MFAP3L: variants seen among roughly 807,000 people sequenced by gnomAD.
The protein encoded by MFAP3L is microfibrillar-associated protein 3-like.
Under a neutral mutation model 20.0 loss-of-function variants are expected in MFAP3L, and 5 were observed. The observed-to-expected ratio is 0.25, with a 90% CI of 0.13 to 0.53. The LOEUF (loss-of-function observed/expected upper bound fraction) is 0.53. Among genes scored for constraint, MFAP3L ranks in the 20% least tolerant of loss-of-function variants. MFAP3L has a pLI of 0.96. For missense variants in MFAP3L, 409 were observed against 527.5 expected (o/e 0.78, Z 2.20); for synonymous variants, 219 against 213.0 (o/e 1.03, Z -0.25).
chr4:170,010,050 C>A (rs972862669), intron 1 of MFAP3L, among the ~76,000 whole-genome samples: 2 of 152,160 alleles, frequency 1.3e-5, no homozygotes, highest in African/African-American at 4.8e-5. Flanking sequence ...AAGCTACCTT[C>A]TGGATGAAAA....
chr4:169,991,785 G>A lies in MFAP3L; in HGVS notation c.823C>T (p.Pro275Ser), dbSNP rs1464054654. 1.1e-5 allele frequency: 17 copies of A among 1,613,976 alleles called. No homozygotes were observed. Among genetic ancestry groups the A allele is most frequent in the Non-Finnish European group, 1.4e-5 (16 of 1,180,030 alleles). ...EQGQNFVRHT[P>S]EGQEAADRDE... Reference sequence around the variant, plus strand: ...CTGTCTGCGGCCTCCTGGCCCTCTGGAGTATGCCTCACAAAATTCTGCCCC... The same window carrying A: ...CTGTCTGCGGCCTCCTGGCCCTCTGAAGTATGCCTCACAAAATTCTGCCCC... Residue 275 changes from proline (P) to serine (S), a missense_variant, in exon 3 of 3, where the codon CCA becomes TCA. Physicochemically the swap from Pro to Ser is moderately conservative, Grantham distance 74. Around this residue, in one of 3 missense-constraint regions of MFAP3L, gnomAD observed 169 missense variants for 178.2 expected, o/e 0.95. Transcript: ENST00000361618. The surrounding 1 kb of genome is among the most constrained non-coding windows in gnomAD (Gnocchi z 4.9).
At chr4:170,006,224 T>G (rs2111005369) in intron 1 of MFAP3L, among the ~76,000 whole-genome samples, 1 of 152,050 alleles carries the variant, frequency 6.6e-6, no homozygotes, top group Admixed American at 6.5e-5. Context: ...GTGATTCTCC[T>G]GCCTCAGCCT....
intron 2 of MFAP3L, among the ~76,000 whole-genome samples, chr4:170,000,483 T>A (rs1259821355): frequency 6.6e-6 from 1 of 152,164 alleles, no homozygotes; most frequent in African/African-American, 2.4e-5. Flanking sequence ...TGCCACTTAC[T>A]GAGAGCTTGC....
rs973625650 is a variant in MFAP3L at position 169,987,903 on chromosome 4, A to T, written c.*3475T>A. 2.0e-5 allele frequency: 3 copies of T among 152,198 alleles called. No homozygotes were observed. Among genetic ancestry groups the T allele is most frequent in the African/African-American group, 7.2e-5 (3 of 41,452 alleles). The allele number at this position is 152,198 out of a possible 1,614,324, so 9.4% of individuals were successfully genotyped here. ...CCCTTCAAAACAAAGTTTCGACAAC[A>T]TAGACTGGTGCAATTAAAAATGAAA... is the stretch of plus-strand genomic sequence containing the variant. On this transcript the variant is annotated 3_prime_UTR_variant, in exon 3 of 3. Coordinates refer to ENST00000361618, the MANE Select transcript of MFAP3L (RefSeq NM_021647.8).
At chr4:170,010,631 T>C (rs1739315838) in intron 1 of MFAP3L, among the ~76,000 whole-genome samples, 1 of 152,228 alleles carries the variant, frequency 6.6e-6, no homozygotes, top group Non-Finnish European at 1.5e-5. Context: ...ATTTTCTTAA[T>C]AACAGTCTTT....
intron 2 of MFAP3L, among the ~76,000 whole-genome samples, chr4:169,999,789 C>A (rs963554894): frequency 1.3e-5 from 2 of 152,136 alleles, no homozygotes; most frequent in Non-Finnish European, 2.9e-5. Context: ...AATTAAACTG[C>A]TTCTATGGGA....
At chr4:170,009,999 C>T (rs1200859763) in intron 1 of MFAP3L, among the ~76,000 whole-genome samples, 1 of 148,232 alleles carries the variant, frequency 6.7e-6, no homozygotes, top group Non-Finnish European at 1.5e-5. Context: ...CTGAGAGTTA[C>T]CCCTATTTTA....
chr4:169,996,981 C>T (rs1231781654), intron 2 of MFAP3L, among the ~76,000 whole-genome samples: 1 of 152,074 alleles, frequency 6.6e-6, no homozygotes. Flanking sequence ...CCAATAAAGC[C>T]TTGTGTGAAC....
intron 2 of MFAP3L, among the ~76,000 whole-genome samples, chr4:170,002,748 T>G (rs1190963273): frequency 1.3e-5 from 2 of 151,942 alleles, no homozygotes; most frequent in African/African-American, 4.8e-5. Context: ...GACCTCATGA[T>G]CCACCCACCT....
chr4:170,022,828 C>T (rs1740120008), intron 1 of MFAP3L, among the ~76,000 whole-genome samples: 2 of 152,260 alleles, frequency 1.3e-5, no homozygotes, highest in African/African-American at 2.4e-5. Flanking sequence ...ACAGATTCTC[C>T]CCTAGGGCTT....
In MFAP3L at chr4:170,026,391, C is replaced by A; in HGVS notation, c.-291G>T. On this transcript the variant is annotated 5_prime_UTR_variant, in exon 1 of 3. Coordinates refer to ENST00000361618, the MANE Select transcript of MFAP3L (RefSeq NM_021647.8). Reference sequence around the variant, plus strand: ...CTCACAGCGTTGCGAGCTGCGCCGCCGGCTGCCGGGAGCGCGGAGCTTCCC... The same window carrying A: ...CTCACAGCGTTGCGAGCTGCGCCGCAGGCTGCCGGGAGCGCGGAGCTTCCC... The A allele has an allele frequency of 2.9e-6, 2 of 685,200 alleles. No homozygotes were observed. The highest frequency in any genetic ancestry group is 3.6e-6 in the Non-Finnish European group (2 of 556,808). 42.4% of individuals were successfully genotyped at this position (685,200 alleles called of 1,614,324 possible). A position where few individuals can be genotyped will look rare whatever the true frequency, so the allele number is the denominator to read the frequency against.
At chr4:170,024,226 TGTAA>T (rs1368831904) in intron 1 of MFAP3L, among the ~76,000 whole-genome samples, 3 of 152,222 alleles carry the variant, frequency 2.0e-5, no homozygotes, top group Admixed American at 6.5e-5. Context: ...AAGGGCAGTA[TGTAA>T]GTAAGTCTTT....
chr4:170,005,525 T>C, intron 2 of MFAP3L, 55 bp downstream of exon 2: 3 of 1,561,280 alleles, frequency 1.9e-6, no homozygotes, highest in Non-Finnish European at 2.6e-6. Flanking sequence ...GGGTGCTGGC[T>C]CCAAAGCTCC....
At position 169,987,750 on chromosome 4, in the gene MFAP3L, T is replaced by G. The variant is rs1188592910; in HGVS notation, c.*3628A>C. On this transcript the variant is annotated 3_prime_UTR_variant, in exon 3 of 3. Coordinates refer to ENST00000361618, the MANE Select transcript of MFAP3L (RefSeq NM_021647.8). ...GCTAAAGAGCTGAGCAGATCCTAGA[T>G]CACCAATAAATAAAGATCCAAGCAT... The G allele has an allele frequency of 5.9e-5, 9 of 152,152 alleles. No individual in the cohort carries two copies. The highest frequency in any genetic ancestry group is 5.9e-4 in the Admixed American group (9 of 15,280). The allele number at this position is 152,152 out of a possible 1,614,324, so 9.4% of individuals were successfully genotyped here. A position where few individuals can be genotyped will look rare whatever the true frequency, so the allele number is the denominator to read the frequency against.
chr4:170,015,231 G>A (rs1739623756), intron 1 of MFAP3L, among the ~76,000 whole-genome samples: 1 of 152,172 alleles, frequency 6.6e-6, no homozygotes, highest in African/African-American at 2.4e-5. Flanking sequence ...TTATTTACTA[G>A]GAGATGACGC....
chr4:170,002,010 TCACAAA>T (rs1236296267), intron 2 of MFAP3L: 1 of 985,330 alleles, frequency 1.0e-6, no homozygotes, highest in East Asian at 1.1e-4. Context: ...TCCAGGCTAA[TCACAAA>T]GTGAATGGCA....
intron 1 of MFAP3L, among the ~76,000 whole-genome samples, chr4:170,015,534 T>C (rs551923466): frequency 6.6e-6 from 1 of 152,324 alleles, no homozygotes; most frequent in Non-Finnish European, 1.5e-5. Context: ...TTGTTCTCCA[T>C]AGGCAAGACA....
At chr4:170,007,839 A>C (rs1261285981) in intron 1 of MFAP3L, among the ~76,000 whole-genome samples, 1 of 152,180 alleles carries the variant, frequency 6.6e-6, no homozygotes, top group Non-Finnish European at 1.5e-5. Flanking sequence ...TGCCTGGCTA[A>C]ATACCACAGG....
In MFAP3L at chr4:169,989,989, T is replaced by A. The variant is rs1291976856; in HGVS notation, c.*1389A>T. The A allele has an allele frequency of 6.6e-6, 1 of 152,212 alleles. No individual in the cohort carries two copies. Among genetic ancestry groups the A allele is most frequent in the Non-Finnish European group, 1.5e-5 (1 of 68,038 alleles). The allele number at this position is 152,212 out of a possible 1,614,324, so 9.4% of individuals were successfully genotyped here. A position where few individuals can be genotyped will look rare whatever the true frequency, so the allele number is the denominator to read the frequency against. ...GAGATGAAAGCAAAAATCTTTAAAG[T>A]CATTGTGAAAAGGAGCAAGGATGTG... is the stretch of plus-strand genomic sequence containing the variant. On this transcript the variant is annotated 3_prime_UTR_variant, in exon 3 of 3. Coordinates refer to ENST00000361618, the MANE Select transcript of MFAP3L (RefSeq NM_021647.8).
Sources: gnomAD v4.1 joint callset for allele counts (sites outside exome capture counted in the v4.1 genomes callset) on GRCh38, gnomAD v4.1.1 for gene constraint, gnomAD v4.1.1 regional missense constraint, Gnocchi (gnomAD v3.1) non-coding constraint, MANE v1.5 for transcripts, NCBI Gene and HGNC (gene_info 2026-07-23, HGNC 2026-07-21) for gene names.